Variants in NUP205 observed in about 807,000 individuals in gnomAD.
NUP205 encodes nuclear pore complex protein Nup205.
Under a neutral mutation model 253.8 loss-of-function variants are expected in NUP205, and 76 were observed. The ratio of observed to expected loss-of-function variants is 0.30; its 90% CI spans 0.25 to 0.36. The LOEUF is 0.36. Among genes scored for constraint, NUP205 ranks in the 10% least tolerant of loss-of-function variants. The probability of loss-of-function intolerance (pLI) is 1.00; values close to 1 mark genes in which losing one functional copy is unlikely to be tolerated. For missense variants in NUP205, 2,162 were observed against 2,425.5 expected (o/e 0.89, Z 2.28); for synonymous variants, 832 against 850.1 (o/e 0.98, Z 0.37).
Position 135,617,138 on chromosome 7 carries a change from A to G in NUP205, c.3581A>G (p.Glu1194Gly), listed in dbSNP as rs140151219. The G allele has an allele frequency of 1.2e-4, 188 of 1,613,406 alleles. 1 individual carries two copies. The highest frequency in any genetic ancestry group is 1.5e-4 in the Non-Finnish European group (174 of 1,179,564). ...NILDSIDFSQ[E>G]IPEPLQLDFF... ...CTTGACTCGATTGACTTCAGTCAGG[A>G]GATCCCTGAGCCTTTGCAGTTGGAT... Residue 1194 changes from glutamate (E) to glycine (G), a missense_variant, in exon 26 of 43, where the codon GAG becomes GGG. Glu to Gly is a moderately conservative substitution (Grantham distance 98). Transcript: ENST00000285968.
chr7:135,574,552 G>A (rs1431907485), intron 3 of NUP205, among the ~76,000 whole-genome samples: 2 of 152,098 alleles, frequency 1.3e-5, no homozygotes, highest in African/African-American at 4.8e-5. Context: ...GGGAATAAAG[G>A]CGTGTTTAAG....
intron 30 of NUP205, among the ~76,000 whole-genome samples, chr7:135,622,014 G>C (rs1794479068): frequency 6.6e-6 from 1 of 151,680 alleles, no homozygotes; most frequent in African/African-American, 2.4e-5. Flanking sequence ...ATGTTGGCCA[G>C]GCTGGTTTTG....
intron 12 of NUP205, among the ~76,000 whole-genome samples, chr7:135,593,917 A>G (rs1563120378): frequency 6.6e-6 from 1 of 152,206 alleles, no homozygotes; most frequent in Non-Finnish European, 1.5e-5. Context: ...CTACAGGGTG[A>G]ATATAACTAG....
intron 22 of NUP205, among the ~76,000 whole-genome samples, chr7:135,610,271 A>T (rs1794194499): frequency 1.3e-5 from 2 of 152,166 alleles, no homozygotes; most frequent in African/African-American, 4.8e-5. Context: ...GCCCAGGTGG[A>T]GTGCAGTGGC....
In NUP205 at chr7:135,606,142, C is replaced by T; in HGVS notation, c.2824-3C>T. Reference sequence around the variant, plus strand: ...GTCATTTTTTACCTTCATGTTACTTCAGAGTATAAGTCAGAAACTAATGGC... The same window carrying T: ...GTCATTTTTTACCTTCATGTTACTTTAGAGTATAAGTCAGAAACTAATGGC... On this transcript the variant is annotated splice_polypyrimidine_tract_variant and splice_region_variant and intron_variant, in intron 19 of 42. Transcript: ENST00000285968. 1 of 1,598,558 alleles carries T rather than the reference C, an allele frequency of 6.3e-7. No homozygotes were observed. The highest frequency in any genetic ancestry group is 1.3e-5 in the African/African-American group (1 of 74,650).
At chr7:135,610,693 T>C (rs1794208529) in intron 22 of NUP205, among the ~76,000 whole-genome samples, 1 of 152,240 alleles carries the variant, frequency 6.6e-6, no homozygotes, top group Non-Finnish European at 1.5e-5. Flanking sequence ...ATATACTCCC[T>C]ATACCTATAT....
intron 22 of NUP205, chr7:135,613,641 A>C (rs1794290877): frequency 6.6e-6 from 1 of 150,776 alleles, no homozygotes; most frequent in Non-Finnish European, 1.5e-5. Context: ...GGTTTAAGTG[A>C]TTAATCTGCC....
intron 11 of NUP205, 95 bp downstream of exon 11, chr7:135,591,695 T>G: frequency 9.1e-7 from 1 of 1,095,740 alleles, no homozygotes; most frequent in Non-Finnish European, 1.3e-6. Context: ...TTGAACTAGG[T>G]TCTACCAGAG....
At position 135,600,446 on chromosome 7, in the gene NUP205, C is replaced by G. The variant is rs116419686; in HGVS notation, c.2275-424C>G. On this transcript the variant is annotated intron_variant, in intron 15 of 42. Coordinates refer to ENST00000285968, the MANE Select transcript of NUP205 (RefSeq NM_015135.3). ...AATTCATTCACTGCTCTGAGCTTCA[C>G]TTGCTTCACTTATAAGGAATTTAGA... Among the ~76,000 whole-genome samples, 303 of 152,276 alleles carry G rather than the reference C, an allele frequency of 2.0e-3. 3 individuals are homozygous for G. Among genetic ancestry groups the G allele is most frequent in the African/African-American group, 7.0e-3 (292 of 41,564 alleles).
At chr7:135,646,964 C>G (rs1795023847) in intron 42 of NUP205, among the ~76,000 whole-genome samples, 1 of 152,208 alleles carries the variant, frequency 6.6e-6, no homozygotes, top group African/African-American at 2.4e-5. Context: ...CAAAGTATCA[C>G]TCAGCACTTA....
chr7:135,558,000 T>A (rs779553552), intron 1 of NUP205, 28 bp downstream of exon 1: 28 of 1,599,332 alleles, frequency 1.8e-5, no homozygotes, highest in Non-Finnish European at 2.6e-6. Flanking sequence ...GAAAGACGAT[T>A]GAGCTGAGCG....
chr7:135,581,601 C>G (rs759243994), intron 7 of NUP205, among the ~76,000 whole-genome samples: 43 of 151,784 alleles, frequency 2.8e-4, no homozygotes, highest in Non-Finnish European at 5.9e-5. Flanking sequence ...CCTGTAATCC[C>G]AGCACTTTGG....
intron 11 of NUP205, among the ~76,000 whole-genome samples, chr7:135,592,636 C>T (rs984327341): frequency 6.6e-6 from 1 of 152,182 alleles, no homozygotes; most frequent in African/African-American, 2.4e-5. Context: ...CCTGTAATCC[C>T]AGCACTTTGG....
Position 135,603,752 on chromosome 7 carries a change from C to T in NUP205, c.2703-588C>T, listed in dbSNP as rs117471656. ...CTCAAACTCCTGACCTCAAGCAGTC[C>T]GCCCAGCTCAGCCTCCCAAAGTGCT... On this transcript the variant is annotated intron_variant, in intron 18 of 42. Coordinates refer to ENST00000285968, the MANE Select transcript of NUP205 (RefSeq NM_015135.3). Among the ~76,000 whole-genome samples, 25 of 151,256 alleles carry T rather than the reference C, an allele frequency of 1.7e-4. No homozygotes were observed. In the East Asian group the frequency reaches 4.1e-3, roughly 25 times the overall value.
At chr7:135,615,385 C>T (rs999808371) in intron 23 of NUP205, among the ~76,000 whole-genome samples, 1 of 152,046 alleles carries the variant, frequency 6.6e-6, no homozygotes, top group Non-Finnish European at 1.5e-5. Flanking sequence ...TAGAGTGAGA[C>T]CCTGTCTCTA....
Position 135,592,987 on chromosome 7 carries a change from T to A in NUP205, c.1625T>A (p.Val542Asp). 6.2e-7 allele frequency: 1 copy of A among 1,606,972 alleles called. No homozygotes were observed. ...AATTCTGTGCTGTTTTTCTTTATAGTTGAAAATATTCAGGGAGCAGGTGGC... is the reference window on the plus strand; with the variant it reads ...AATTCTGTGCTGTTTTTCTTTATAGATGAAAATATTCAGGGAGCAGGTGGC... ...SLLKVNGSSHVENIQGAGGSP... is the reference protein window; with the variant it reads ...SLLKVNGSSHDENIQGAGGSP... Residue 542 changes from valine to aspartate, a missense_variant and splice_region_variant, in exon 12 of 43, where the codon GTT becomes GAT. Physicochemically the swap from Val to Asp is radical, Grantham distance 152 (BLOSUM62 -3). Transcript: ENST00000285968.
At chr7:135,577,214 G>A in intron 5 of NUP205, 86 bp downstream of exon 5, 1 of 1,316,354 alleles carries the variant, frequency 7.6e-7, no homozygotes, top group Non-Finnish European at 1.0e-6. Context: ...ATTTTTTCAA[G>A]ATGAATTATG....
Position 135,618,440 on chromosome 7 carries a change from T to C in NUP205, c.3800T>C (p.Val1267Ala). ...ATCAGCACTGTACTTCAGTATGTGGTAGGAAGAAATAAATTGCTGCAGTGT... is the reference window on the plus strand; with the variant it reads ...ATCAGCACTGTACTTCAGTATGTGGCAGGAAGAAATAAATTGCTGCAGTGT... Reference protein sequence around the residue: ...EEISTVLQYVVGRNKLLQCLH... With the variant: ...EEISTVLQYVAGRNKLLQCLH... The change falls in exon 28 of 43, where the codon GTA becomes GCA. Residue 1267 changes from valine to alanine, a missense_variant. Physicochemically the swap from Val to Ala is moderately conservative, Grantham distance 64 (BLOSUM62 0). Coordinates refer to ENST00000285968, the MANE Select transcript of NUP205 (RefSeq NM_015135.3). 1 of 1,614,144 alleles carries C rather than the reference T, an allele frequency of 6.2e-7. No homozygotes were observed. The highest frequency in any genetic ancestry group is 8.5e-7 in the Non-Finnish European group (1 of 1,180,014).
chr7:135,575,873 A>C lies in NUP205; in HGVS notation c.344-397A>C, dbSNP rs73725135. ...TATAAAAAGGTTGTTTATTCAGAGA[A>C]GATTCCGAGGGAAGAAACTTAGAAA... On this transcript the variant is annotated intron_variant, in intron 3 of 42. Transcript: ENST00000285968. Among the ~76,000 whole-genome samples, 573 of 152,368 alleles carry C rather than the reference A, an allele frequency of 3.8e-3. 2 individuals carry two copies. The highest frequency in any genetic ancestry group is 0.013 in the African/African-American group (551 of 41,590).
Sources: allele counts gnomAD v4.1 joint callset (sites outside exome capture counted in the v4.1 genomes callset), GRCh38; gene constraint gnomAD v4.1.1; transcripts MANE v1.5; gene names NCBI Gene and HGNC (gene_info 2026-07-23, HGNC 2026-07-21).